The following TAS2R1 variants were observed in gnomAD, a reference collection of about 807,000 sequenced individuals.
TAS2R1 encodes taste 2 receptor member 1.
For missense variants in TAS2R1, 370 were observed against 353.4 expected (o/e 1.05, Z -0.38); for synonymous variants, 141 against 134.2 (o/e 1.05, Z -0.35).
At chr5:9,784,606 T>G in the TAS2R1 span, among the ~76,000 whole-genome samples, 4 of 152,168 alleles carry the variant, frequency 2.6e-5, no homozygotes, top group African/African-American at 7.2e-5. Flanking sequence ...GTAAAAAGGT[T>G]CAGAGCTCAC....
At chr5:9,648,850 C>T (rs1740249806) in intron 2 of TAS2R1, among the ~76,000 whole-genome samples, 1 of 152,094 alleles carries the variant, frequency 6.6e-6, no homozygotes, top group Non-Finnish European at 1.5e-5. Flanking sequence ...AAGGCAGGGT[C>T]GGTGCCCAGG....
chr5:9,710,179 C>T (rs1345710803), intron 1 of TAS2R1, among the ~76,000 whole-genome samples: 1 of 152,054 alleles, frequency 6.6e-6, no homozygotes, highest in Non-Finnish European at 1.5e-5. Flanking sequence ...CTACCAAAGG[C>T]CTGGGCCAAA....
chr5:9,765,427 A>T, the TAS2R1 span: 1 of 152,096 alleles, frequency 6.6e-6, no homozygotes, highest in African/African-American at 2.4e-5. Flanking sequence ...CAACTCTAGC[A>T]CAAATTAGGT....
chr5:9,754,466 T>C, the TAS2R1 span, among the ~76,000 whole-genome samples: 1 of 152,224 alleles, frequency 6.6e-6, no homozygotes, highest in African/African-American at 2.4e-5. Flanking sequence ...AAATTGTCCC[T>C]GTTTGCAGAC....
At chr5:9,716,896 G>A (rs546893729), upstream of TAS2R1, among the ~76,000 whole-genome samples, 1 of 152,188 alleles carries the variant, frequency 6.6e-6, no homozygotes, top group Admixed American at 6.5e-5. Context: ...CCAGCCATAC[G>A]ATCGATACGG....
intron 1 of TAS2R1, among the ~76,000 whole-genome samples, chr5:9,700,409 AAAAT>A (rs1439037053): frequency 2.6e-5 from 4 of 152,212 alleles, no homozygotes; most frequent in African/African-American, 9.7e-5. Context: ...AGATTCACGG[AAAAT>A]ATACATGCTA....
At chr5:9,863,758 A>G in the TAS2R1 span, among the ~76,000 whole-genome samples, 9 of 152,364 alleles carry the variant, frequency 5.9e-5, no homozygotes, top group South Asian at 1.4e-3. Context: ...GAAGAGGATC[A>G]TATAAACAGT....
the TAS2R1 span, among the ~76,000 whole-genome samples, chr5:9,752,704 C>A: frequency 6.6e-6 from 1 of 152,020 alleles, no homozygotes; most frequent in Non-Finnish European, 1.5e-5. Flanking sequence ...CCCCTTCCCC[C>A]CACCCCACAA....
chr5:9,805,729 C>T, the TAS2R1 span, among the ~76,000 whole-genome samples: 1 of 151,952 alleles, frequency 6.6e-6, no homozygotes, highest in African/African-American at 2.4e-5. Context: ...TCAAAATTAG[C>T]ATAGAAGGGA....
the TAS2R1 span, among the ~76,000 whole-genome samples, chr5:9,826,239 T>A: frequency 6.6e-6 from 1 of 152,198 alleles, no homozygotes; most frequent in African/African-American, 2.4e-5. Context: ...AATAAATCCA[T>A]AATTCACTTG....
At chr5:9,822,732 T>C in the TAS2R1 span, among the ~76,000 whole-genome samples, 640 of 152,286 alleles carry the variant, frequency 4.2e-3, 3 homozygotes, top group African/African-American at 0.015. Context: ...TACAAATTTA[T>C]ATGGCAGTTT....
the TAS2R1 span, among the ~76,000 whole-genome samples, chr5:9,858,254 T>C: frequency 1.3e-5 from 2 of 152,088 alleles, no homozygotes; most frequent in Admixed American, 6.5e-5. Context: ...GGTAGTCCTA[T>C]AGGTTCAGTC....
At chr5:9,732,127 T>G in the TAS2R1 span, among the ~76,000 whole-genome samples, 2 of 152,062 alleles carry the variant, frequency 1.3e-5, no homozygotes, top group Non-Finnish European at 2.9e-5. Context: ...GCAAGTGACA[T>G]GAAAACAGAG....
chr5:9,714,656 A>C (rs1734769370), upstream of TAS2R1, among the ~76,000 whole-genome samples: 1 of 152,256 alleles, frequency 6.6e-6, no homozygotes, highest in African/African-American at 2.4e-5. Flanking sequence ...AAAACAAAAG[A>C]AAGTGTTTGT....
At chr5:9,697,439 G>C (rs1741383401) in intron 1 of TAS2R1, among the ~76,000 whole-genome samples, 1 of 151,884 alleles carries the variant, frequency 6.6e-6, no homozygotes, top group African/African-American at 2.4e-5. Flanking sequence ...ATTTTATCAA[G>C]CTAGTAAAGG....
the TAS2R1 span, among the ~76,000 whole-genome samples, chr5:9,849,484 G>A: frequency 6.6e-6 from 1 of 152,190 alleles, no homozygotes; most frequent in South Asian, 2.1e-4. Context: ...GATGTAATCT[G>A]CCCAATGCTG....
At chr5:9,646,313 G>T (rs950674287) in intron 2 of TAS2R1, among the ~76,000 whole-genome samples, 10 of 152,110 alleles carry the variant, frequency 6.6e-5, no homozygotes, top group African/African-American at 2.2e-4. Flanking sequence ...AAAGCATAAG[G>T]TTACCATATG....
At chr5:9,903,117 A>T in the TAS2R1 span, among the ~76,000 whole-genome samples, 2 of 152,068 alleles carry the variant, frequency 1.3e-5, no homozygotes, top group African/African-American at 2.4e-5. Context: ...AGGTTATTTT[A>T]AAATGTACAG....
chr5:9,803,186 A>C, the TAS2R1 span, among the ~76,000 whole-genome samples: 1 of 152,334 alleles, frequency 6.6e-6, no homozygotes, highest in East Asian at 1.9e-4. Flanking sequence ...AATTCAATTC[A>C]TTTAACACAA....
Sources: gnomAD v4.1 joint callset for allele counts (sites outside exome capture counted in the v4.1 genomes callset) on GRCh38, gnomAD v4.1.1 for gene constraint, MANE v1.5 for transcripts, NCBI Gene and HGNC (gene_info 2026-07-23, HGNC 2026-07-21) for gene names.